The following COL4A3 variants were observed in gnomAD, a reference collection of about 807,000 sequenced individuals.
The protein encoded by COL4A3 is collagen type IV alpha 3 chain.
A neutral mutation model predicts 217.4 loss-of-function variants in COL4A3; 135 were observed. The ratio of observed to expected loss-of-function variants is 0.62; its 90% CI spans 0.54 to 0.72. The LOEUF (loss-of-function observed/expected upper bound fraction) is 0.72. Among genes scored for constraint, COL4A3 ranks in the 30% least tolerant of loss-of-function variants. The pLI, the probability that COL4A3 is intolerant of heterozygous loss-of-function variation, is 0.00. For missense variants in COL4A3, 1,868 were observed against 2,119.9 expected (o/e 0.88, Z 2.33); for synonymous variants, 690 against 736.3 (o/e 0.94, Z 1.02).
rs756278816 is a variant in COL4A3 at position 227,250,872 on chromosome 2, G to A, written c.547-268G>A. Among the ~76,000 whole-genome samples, 1 of 152,096 alleles carries A rather than the reference G, an allele frequency of 6.6e-6. No homozygotes were observed. The highest frequency in any genetic ancestry group is 1.5e-5 in the Non-Finnish European group (1 of 68,026). ...GGAAAAGGGAGAAGAAAAGAGGTGG[G>A]AAGAAAGAGAAAAGCAAAATTTTGA... On this transcript the variant is annotated intron_variant, in intron 9 of 51. Coordinates refer to ENST00000396578, the MANE Select transcript of COL4A3 (RefSeq NM_000091.5). The surrounding 1 kb of genome is among the most constrained non-coding windows in gnomAD (Gnocchi z 4.1).
chr2:227,202,691 C>A (rs932701570), intron 1 of COL4A3, among the ~76,000 whole-genome samples: 1 of 145,618 alleles, frequency 6.9e-6, no homozygotes, highest in Non-Finnish European at 1.5e-5. Context: ...GCCGAGATAG[C>A]GCCACTGCAG....
At chr2:227,291,730 G>A (rs9646881) in intron 37 of COL4A3, among the ~76,000 whole-genome samples, 44,172 of 152,062 alleles carry the variant, frequency 0.29, 7,148 homozygotes, top group South Asian at 0.46. Flanking sequence ...TCTGTGTAAT[G>A]GAATGGAAAT....
intron 1 of COL4A3, among the ~76,000 whole-genome samples, chr2:227,173,382 T>C (rs1322607738): frequency 1.3e-5 from 2 of 152,190 alleles, no homozygotes; most frequent in Admixed American, 1.3e-4. Context: ...AGCACCTTAC[T>C]CCAGGTTCCA....
In COL4A3 at chr2:227,191,493, G is replaced by A. The variant is rs1055962794; in HGVS notation, c.87+26680G>A. Reference sequence around the variant, plus strand: ...ACAAATGTTGAATGGCTCCATCCACGGTGCATTTGTGGAGCTCCCCTGTTG... The same window carrying A: ...ACAAATGTTGAATGGCTCCATCCACAGTGCATTTGTGGAGCTCCCCTGTTG... On this transcript the variant is annotated intron_variant, in intron 1 of 51. Coordinates refer to ENST00000396578, the MANE Select transcript of COL4A3 (RefSeq NM_000091.5). The surrounding 1 kb of genome is among the most constrained non-coding windows in gnomAD (Gnocchi z 6.8). Among the ~76,000 whole-genome samples the A allele has an allele frequency of 8.5e-5, 13 of 152,096 alleles. No homozygotes were observed. Among genetic ancestry groups the A allele is most frequent in the Admixed American group, 5.9e-4 (9 of 15,274 alleles).
chr2:227,186,075 A>T (rs149775442), intron 1 of COL4A3, among the ~76,000 whole-genome samples: 2 of 152,292 alleles, frequency 1.3e-5, no homozygotes, highest in African/African-American at 4.8e-5. Flanking sequence ...TAATTTGTTA[A>T]CTAGAATAGC....
chr2:227,297,933 T>G, intron 42 of COL4A3, 74 bp downstream of exon 42: 1 of 1,450,148 alleles, frequency 6.9e-7, no homozygotes, highest in Non-Finnish European at 9.5e-7. Flanking sequence ...AACCTCCTCC[T>G]CATGTTACCT....
chr2:227,233,348 C>A (rs755031924), intron 1 of COL4A3, among the ~76,000 whole-genome samples: 2 of 148,460 alleles, frequency 1.3e-5, no homozygotes, highest in African/African-American at 2.5e-5. Context: ...AAAAAAAATT[C>A]TAAAACTGGA....
chr2:227,167,530 G>A (rs1244071952), intron 1 of COL4A3, among the ~76,000 whole-genome samples: 1 of 152,214 alleles, frequency 6.6e-6, no homozygotes, highest in Non-Finnish European at 1.5e-5. Flanking sequence ...TCTGGATAAG[G>A]TGATGTTCAC....
intron 1 of COL4A3, among the ~76,000 whole-genome samples, chr2:227,174,892 A>C (rs552872333): frequency 6.6e-6 from 1 of 152,224 alleles, no homozygotes; most frequent in Admixed American, 6.5e-5. Flanking sequence ...GCTGGGACTC[A>C]TTGGTAAACA....
chr2:227,264,297 A>G (rs2070763821), intron 21 of COL4A3, among the ~76,000 whole-genome samples: 1 of 152,106 alleles, frequency 6.6e-6, no homozygotes, highest in Admixed American at 6.5e-5. Flanking sequence ...GCAAGAATTT[A>G]TCCATTTGCT....
At chr2:227,239,992 T>C in intron 2 of COL4A3, 151 bp from the exon 3 acceptor site, 1 of 770,576 alleles carries the variant, frequency 1.3e-6, no homozygotes, top group Non-Finnish European at 2.3e-6. Context: ...TAGTCACTCC[T>C]GAGTGCTAAT....
At chr2:227,271,285 TG>T (rs1324897127) in intron 25 of COL4A3, among the ~76,000 whole-genome samples, 1 of 152,126 alleles carries the variant, frequency 6.6e-6, no homozygotes, top group Non-Finnish European at 1.5e-5. Context: ...GTAAATATTT[TG>T]GGGCGATGTC....
intron 1 of COL4A3, among the ~76,000 whole-genome samples, chr2:227,230,982 A>G (rs2068371966): frequency 6.6e-6 from 1 of 152,222 alleles, no homozygotes; most frequent in South Asian, 2.1e-4. Flanking sequence ...AGTCAGCTTA[A>G]TTATGTAGCT....
At chr2:227,177,855 C>T (rs889679537) in intron 1 of COL4A3, among the ~76,000 whole-genome samples, 2 of 152,094 alleles carry the variant, frequency 1.3e-5, no homozygotes, top group African/African-American at 4.8e-5. Flanking sequence ...GTCACAGTAT[C>T]GCAATGCTTG....
rs1293246015 is a variant in COL4A3, at chr2:227,314,290, T to A, written c.*2420T>A. The stretch of plus-strand genomic sequence containing the variant: ...AACCTGAAATTCCAATGAAGCCATA[T>A]GAACAGCTGTTCAGTTGCACTTCTA... On this transcript the variant is annotated 3_prime_UTR_variant, in exon 52 of 52. Transcript: ENST00000396578. 2 of 152,696 alleles carry A rather than the reference T, an allele frequency of 1.3e-5. No homozygotes were observed. Among genetic ancestry groups the A allele is most frequent in the Non-Finnish European group, 2.9e-5 (2 of 68,058 alleles). 9.5% of individuals were successfully genotyped at this position (152,696 alleles called of 1,614,324 possible). A position where few individuals can be genotyped will look rare whatever the true frequency, so the allele number is the denominator to read the frequency against.
At chr2:227,276,287 G>T in intron 26 of COL4A3, 98 bp from the exon 27 acceptor site, 2 of 885,910 alleles carry the variant, frequency 2.3e-6, no homozygotes, top group East Asian at 2.5e-5. Flanking sequence ...TTATTTTTTG[G>T]GGATATGTTT....
At position 227,282,372 on chromosome 2, in the gene COL4A3, A is replaced by C; in HGVS notation, c.2496A>C (p.Arg832Ser). The C allele has an allele frequency of 6.2e-7, 1 of 1,612,252 alleles. No individual in the cohort carries two copies. Among genetic ancestry groups the C allele is most frequent in the Non-Finnish European group, 8.5e-7 (1 of 1,179,448 alleles). Residue 832 changes from arginine (R) to serine (S), a missense_variant, in exon 32 of 52, where the codon AGA becomes AGC. Arg to Ser is a moderately radical substitution (Grantham distance 110). Transcript: ENST00000396578. This position sits in a 1 kb window ranked among gnomAD's most constrained non-coding sequence, Gnocchi z 4.4. ...TCATTTATTCGTACACAGGCAGAAGAGGTAAAACGGGGCCAAAGGGAGACC... is the reference window on the plus strand; with the variant it reads ...TCATTTATTCGTACACAGGCAGAAGCGGTAAAACGGGGCCAAAGGGAGACC... ...LNGLKGQQGRRGKTGPKGDPG... is the reference protein window; with the variant it reads ...LNGLKGQQGRSGKTGPKGDPG...
At chr2:227,234,990 C>T (rs966831111) in intron 1 of COL4A3, among the ~76,000 whole-genome samples, 2 of 152,148 alleles carry the variant, frequency 1.3e-5, no homozygotes, top group East Asian at 1.9e-4. Flanking sequence ...CGGCTTCCTC[C>T]GTGCACACTT....
intron 2 of COL4A3, among the ~76,000 whole-genome samples, chr2:227,238,790 A>G (rs938656507): frequency 1.3e-5 from 2 of 152,146 alleles, no homozygotes; most frequent in African/African-American, 4.8e-5. Context: ...TTATTTCATA[A>G]TTCACATGTA....
Sources: allele counts gnomAD v4.1 joint callset (sites outside exome capture counted in the v4.1 genomes callset), GRCh38; gene constraint gnomAD v4.1.1; non-coding constraint Gnocchi (gnomAD v3.1); transcripts MANE v1.5; gene names NCBI Gene and HGNC (gene_info 2026-07-23, HGNC 2026-07-21).